FAM178B: variants seen among roughly 807,000 people sequenced by gnomAD.
FAM178B encodes the protein family with sequence similarity 178 member B, also known as protein FAM178B.
A neutral mutation model predicts 91.7 loss-of-function variants in FAM178B; 82 were observed. The observed-to-expected ratio is 0.89, with a 90% confidence interval of 0.75 to 1.07. The LOEUF (loss-of-function observed/expected upper bound fraction) is 1.07. FAM178B is among the 50% of genes least tolerant of loss of function. FAM178B has a pLI of 0.00. For synonymous variants in FAM178B, 368 were observed against 359.4 expected, an observed-to-expected ratio of 1.02 and a Z score of -0.27; for missense variants, 769 against 846.7, an observed-to-expected ratio of 0.91 and a Z score of 1.14.
chr2:96,959,439 C>T (rs991595667), intron 6 of FAM178B, among the ~76,000 whole-genome samples: 7 of 152,128 alleles, frequency 4.6e-5, no homozygotes, highest in East Asian at 1.9e-4. Flanking sequence ...TACAATAAGA[C>T]GGACTTGGAA....
chr2:96,894,004 G>A lies in FAM178B; in HGVS notation c.1698C>T (p.Leu566=), dbSNP rs753566144. The A allele has an allele frequency of 5.0e-6, 8 of 1,612,664 alleles. No homozygotes were observed. Among genetic ancestry groups the A allele is most frequent in the Admixed American group, 1.7e-5 (1 of 59,970 alleles). The change falls in exon 14 of 17, where the codon CTC becomes CTT. Residue 566 remains leucine, a synonymous_variant. Transcript: ENST00000490605. ...RLLGLMRPSS[L]RQYLDSVPLP... ...AGGGCACAGAGTCCAGGTATTGCCT[G>A]AGAGATGATGGCCTCATGAGGCCCA... is the stretch of plus-strand genomic sequence containing the variant.
At chr2:96,920,871 G>A (rs920140038) in intron 12 of FAM178B, among the ~76,000 whole-genome samples, 2 of 152,228 alleles carry the variant, frequency 1.3e-5, no homozygotes, top group Admixed American at 6.5e-5. Context: ...TCTGAATGAC[G>A]AGGAGGAGCT....
intron 14 of FAM178B, among the ~76,000 whole-genome samples, chr2:96,892,184 C>G (rs1490838513): frequency 6.6e-6 from 1 of 152,204 alleles, no homozygotes; most frequent in African/African-American, 2.4e-5. Flanking sequence ...TGGCCCCTCC[C>G]AGTCAGAACA....
intron 5 of FAM178B, among the ~76,000 whole-genome samples, chr2:96,965,409 C>G (rs1445721997): frequency 6.6e-6 from 1 of 152,018 alleles, no homozygotes. Flanking sequence ...CAAATGAACC[C>G]TTGATTCCAA....
At chr2:96,902,138 C>T (rs1459944843) in intron 13 of FAM178B, among the ~76,000 whole-genome samples, 1 of 144,208 alleles carries the variant, frequency 6.9e-6, no homozygotes, top group African/African-American at 2.6e-5. Flanking sequence ...TGGAGTCTCG[C>T]TCTGTCGCCC....
At chr2:96,920,367 C>G (rs183666770) in intron 12 of FAM178B, among the ~76,000 whole-genome samples, 1 of 152,088 alleles carries the variant, frequency 6.6e-6, no homozygotes, top group African/African-American at 2.4e-5. Flanking sequence ...TTTGGGAGAC[C>G]GAGGCAGGCA....
At chr2:96,906,454 T>C (rs1218452988) in intron 12 of FAM178B, among the ~76,000 whole-genome samples, 6 of 152,162 alleles carry the variant, frequency 3.9e-5, no homozygotes, top group Non-Finnish European at 7.3e-5. Flanking sequence ...TTCCCCTCCA[T>C]GCCTGACTGT....
chr2:96,972,337 GA>G lies in FAM178B; in HGVS notation c.143-16del, dbSNP rs1181572373. On this transcript the variant is annotated splice_polypyrimidine_tract_variant and intron_variant, in intron 2 of 16. Transcript: ENST00000490605. ...AGCCTGCACCCCTGCAGACAGGACA[GA>G]ATACTGTGGTCCCTCTGCCCACCTG... 1.1e-4 allele frequency: 157 copies of G among 1,468,100 alleles called. No individual in the cohort carries two copies. The highest frequency in any genetic ancestry group is 8.1e-6 in the Non-Finnish European group (9 of 1,106,934). 90.9% of individuals were successfully genotyped at this position (1,468,100 alleles called of 1,614,324 possible).
intron 1 of FAM178B, among the ~76,000 whole-genome samples, chr2:96,975,452 G>A (rs1286551013): frequency 6.6e-6 from 1 of 152,168 alleles, no homozygotes; most frequent in Non-Finnish European, 1.5e-5. Flanking sequence ...CATAACAGAT[G>A]TACATATTTT....
chr2:96,980,235 C>T (rs2082344718), intron 1 of FAM178B, among the ~76,000 whole-genome samples: 1 of 151,940 alleles, frequency 6.6e-6, no homozygotes, highest in African/African-American at 2.4e-5. Flanking sequence ...ACCACCACAC[C>T]CAGCTAATTT....
chr2:96,910,454 C>T (rs921088339), intron 12 of FAM178B, among the ~76,000 whole-genome samples: 7 of 152,212 alleles, frequency 4.6e-5, no homozygotes, highest in Non-Finnish European at 7.3e-5. Context: ...TTGACAAAGA[C>T]GGCAAAAGCA....
At chr2:96,893,832 C>T (rs1336175462) in intron 14 of FAM178B, 94 bp downstream of exon 14, 42 of 1,446,122 alleles carry the variant, frequency 2.9e-5, no homozygotes, top group African/African-American at 1.6e-4. Flanking sequence ...TGGAAGGACC[C>T]GCAGGCCATG....
intron 1 of FAM178B, among the ~76,000 whole-genome samples, chr2:96,974,223 A>G (rs528358119): frequency 6.6e-6 from 1 of 151,438 alleles, no homozygotes; most frequent in South Asian, 2.1e-4. Flanking sequence ...TCCACTAAAA[A>G]TACAAAAAAT....
chr2:96,928,883 C>T (rs561011925), intron 9 of FAM178B, among the ~76,000 whole-genome samples: 1 of 152,252 alleles, frequency 6.6e-6, no homozygotes, highest in East Asian at 1.9e-4. Context: ...CATGGGGTGG[C>T]TCATACCTGT....
intron 11 of FAM178B, 49 bp downstream of exon 11, chr2:96,921,429 G>A: frequency 6.5e-7 from 1 of 1,548,996 alleles, no homozygotes; most frequent in Non-Finnish European, 8.7e-7. Flanking sequence ...GGCCACCTTG[G>A]TCCCTAGTGA....
chr2:96,955,364 A>T (rs546869501), intron 6 of FAM178B, among the ~76,000 whole-genome samples: 6 of 152,286 alleles, frequency 3.9e-5, no homozygotes, highest in Middle Eastern at 6.8e-3. Context: ...ACAAAAAATT[A>T]GCCAAGTGTG....
rs908202168 is a variant in FAM178B, at chr2:96,923,362, C to T, written c.1287+128G>A. The T allele has an allele frequency of 2.8e-5, 20 of 712,830 alleles. No homozygotes were observed. In the Admixed American group the frequency reaches 3.6e-4, roughly 13 times the overall value. 44.2% of individuals were successfully genotyped at this position (712,830 alleles called of 1,614,324 possible). A position where few individuals can be genotyped will look rare whatever the true frequency, so the allele number is the denominator to read the frequency against. The stretch of plus-strand genomic sequence containing the variant: ...AGTTTCTGTAGCATCCGGCCCACAG[C>T]CAGCACAGTGCCTGCCATGGTGCTG... On this transcript the variant is annotated intron_variant, in intron 10 of 16. Coordinates refer to ENST00000490605, the MANE Select transcript of FAM178B (RefSeq NM_001122646.3).
intron 1 of FAM178B, among the ~76,000 whole-genome samples, chr2:96,980,488 C>G (rs1269066507): frequency 1.3e-5 from 2 of 152,162 alleles, no homozygotes; most frequent in African/African-American, 4.8e-5. Flanking sequence ...GCCTAGAACT[C>G]TTGGCCTCAA....
chr2:96,882,296 A>T (rs2080404666), intron 14 of FAM178B, among the ~76,000 whole-genome samples: 1 of 152,144 alleles, frequency 6.6e-6, no homozygotes, highest in Admixed American at 6.5e-5. Flanking sequence ...TCCCCATCTA[A>T]ACCGCCAGCG....
Sources: gnomAD v4.1 joint callset for allele counts (sites outside exome capture counted in the v4.1 genomes callset) on GRCh38, gnomAD v4.1.1 for gene constraint, MANE v1.5 for transcripts, NCBI Gene and HGNC (gene_info 2026-07-23, HGNC 2026-07-21) for gene names.